The following UACA variants were observed in gnomAD, a reference collection of about 807,000 sequenced individuals.
UACA encodes uveal autoantigen with coiled-coil domains and ankyrin repeats.
UACA carries 112 observed loss-of-function variants against 160.5 expected under a neutral mutation model. The ratio of observed to expected loss-of-function variants is 0.70; its 90% confidence interval spans 0.60 to 0.82. The LOEUF (loss-of-function observed/expected upper bound fraction) is 0.82. UACA is among the 40% of genes least tolerant of loss of function. UACA has a pLI of 0.00. For missense variants in UACA, 1,574 were observed against 1,614.6 expected, an observed-to-expected ratio of 0.97 and a Z score of 0.43; for synonymous variants, 557 against 568.4, an observed-to-expected ratio of 0.98 and a Z score of 0.29.
chr15:70,708,063 T>C (rs1167916085), intron 1 of UACA, among the ~76,000 whole-genome samples: 1 of 152,310 alleles, frequency 6.6e-6, no homozygotes, highest in East Asian at 1.9e-4. Context: ...AAATGTGGCA[T>C]ATGCATACAA....
rs1462360350 is a variant in UACA, at chr15:70,667,425, C to T, written c.3259G>A (p.Glu1087Lys). 4 of 1,610,244 alleles carry T rather than the reference C, an allele frequency of 2.5e-6. No homozygotes were observed. Among genetic ancestry groups the T allele is most frequent in the Non-Finnish European group, 3.4e-6 (4 of 1,179,736 alleles). ...QKYTEVKNVK[E>K]KLVEENAKQT... is the part of the protein sequence containing the mutation. ...TTGGCATTTTCTTCTACTAGCTTCTCTTTCACATTCTTTACTTCCGTGTAT... is the reference window on the plus strand; with the variant it reads ...TTGGCATTTTCTTCTACTAGCTTCTTTTTCACATTCTTTACTTCCGTGTAT... Residue 1087 changes from glutamate (E) to lysine (K), a missense_variant, in exon 16 of 19, where the codon GAG (glutamate) becomes AAG (lysine). Glu to Lys is a moderately conservative substitution (Grantham distance 56). Transcript: ENST00000322954.
At position 70,656,942 on chromosome 15, in the gene UACA, A is replaced by G; in HGVS notation, c.*114T>C. 1 of 696,210 alleles carries G rather than the reference A, an allele frequency of 1.4e-6. No individual in the cohort carries two copies. Among genetic ancestry groups the G allele is most frequent in the Non-Finnish European group, 2.3e-6 (1 of 438,258 alleles). 43.1% of individuals were successfully genotyped at this position (696,210 alleles called of 1,614,324 possible). On this transcript the variant is annotated 3_prime_UTR_variant, in exon 19 of 19. Coordinates refer to ENST00000322954, the MANE Select transcript of UACA (RefSeq NM_018003.4). ...AAAAAAAACCTACCAATAGAACAAA[A>G]TATATTTTATTTTAATTATACCAGC...
chr15:70,658,799 C>A (rs1896573433), intron 18 of UACA, among the ~76,000 whole-genome samples: 1 of 152,040 alleles, frequency 6.6e-6, no homozygotes, highest in South Asian at 2.1e-4. Flanking sequence ...AAATCTGTTT[C>A]TATAACAGCA....
At chr15:70,769,708 T>C in the UACA span, among the ~76,000 whole-genome samples, 18 of 152,140 alleles carry the variant, frequency 1.2e-4, no homozygotes, top group East Asian at 3.1e-3. Flanking sequence ...GTAGATAAAA[T>C]GTGTATTTTA....
At chr15:70,745,446 GAAA>G (rs71152312) in intron 1 of UACA, among the ~76,000 whole-genome samples, 3 of 129,454 alleles carry the variant, frequency 2.3e-5, no homozygotes, top group Admixed American at 7.6e-5. Context: ...AAAAGAAAAA[GAAA>G]AAAAAAAAAA....
chr15:70,762,284 A>G (rs1216486434), intron 1 of UACA, among the ~76,000 whole-genome samples: 3 of 152,214 alleles, frequency 2.0e-5, no homozygotes, highest in Admixed American at 2.0e-4. Flanking sequence ...AAGCAGATTA[A>G]TTAGTATTCT....
chr15:70,769,159 C>T, the UACA span, among the ~76,000 whole-genome samples: 2 of 151,926 alleles, frequency 1.3e-5, no homozygotes, highest in Non-Finnish European at 2.9e-5. Context: ...GAGATCAAGA[C>T]CATCCTGGCT....
rs570657381 is a variant in UACA at position 70,672,654 on chromosome 15, A to G, written c.1132-653T>C. On this transcript the variant is annotated intron_variant, in intron 13 of 18. Coordinates refer to ENST00000322954, the MANE Select transcript of UACA (RefSeq NM_018003.4). Reference sequence around the variant, plus strand: ...AAGAATCTAATATATAAATTAAAATACTACACTTCAAGGGTAAGAATAGGC... The same window carrying G: ...AAGAATCTAATATATAAATTAAAATGCTACACTTCAAGGGTAAGAATAGGC... Among the ~76,000 whole-genome samples, 3 of 152,290 alleles carry G rather than the reference A, an allele frequency of 2.0e-5. No individual in the cohort carries two copies. In the East Asian group the frequency reaches 5.8e-4, roughly 29 times the overall value.
chr15:70,775,857 AAAC>A, the UACA span, among the ~76,000 whole-genome samples: 7 of 152,202 alleles, frequency 4.6e-5, no homozygotes, highest in African/African-American at 1.7e-4. Context: ...TTGTGTATGA[AAAC>A]AATTCACGCA....
At chr15:70,688,892 G>A (rs990577020) in intron 5 of UACA, among the ~76,000 whole-genome samples, 2 of 152,126 alleles carry the variant, frequency 1.3e-5, no homozygotes, top group East Asian at 1.9e-4. Context: ...GAGTTGAACT[G>A]TAGCAGAAAA....
At chr15:70,664,517 T>C (rs566502334) in intron 17 of UACA, 145 bp downstream of exon 17, 29 of 917,864 alleles carry the variant, frequency 3.2e-5, no homozygotes, top group South Asian at 1.2e-4. Flanking sequence ...ACCACCAGTA[T>C]AGGTAACTTT....
In UACA at chr15:70,743,994, T is replaced by C. The variant is rs184867837; in HGVS notation, c.78+19336A>G. ...GCACGGTGGCTCACGCCTGTAATTCTAGCACTTTGGGAGGCCGAGACGGGC... is the reference window on the plus strand; with the variant it reads ...GCACGGTGGCTCACGCCTGTAATTCCAGCACTTTGGGAGGCCGAGACGGGC... On this transcript the variant is annotated intron_variant, in intron 1 of 18. Coordinates refer to ENST00000322954, the MANE Select transcript of UACA (RefSeq NM_018003.4). Among the ~76,000 whole-genome samples the C allele has an allele frequency of 1.9e-3, 292 of 152,126 alleles. 2 individuals carry two copies. In the East Asian group the frequency reaches 0.033, roughly 17 times the overall value.
rs1475072948 is a variant in UACA, at chr15:70,714,960, A to G, written c.79-15300T>C. Among the ~76,000 whole-genome samples, 6 of 152,246 alleles carry G rather than the reference A, an allele frequency of 3.9e-5. No individual in the cohort carries two copies. In the East Asian group the frequency reaches 1.2e-3, roughly 29 times the overall value. On this transcript the variant is annotated intron_variant, in intron 1 of 18. Transcript: ENST00000322954. ...AGATGCATTAAATTACTAAGTAAATATATACATAGATCTTAAACAGAACAA... is the reference window on the plus strand; with the variant it reads ...AGATGCATTAAATTACTAAGTAAATGTATACATAGATCTTAAACAGAACAA...
chr15:70,715,609 A>G (rs1317282378), intron 1 of UACA, among the ~76,000 whole-genome samples: 1 of 152,164 alleles, frequency 6.6e-6, no homozygotes, highest in East Asian at 1.9e-4. Context: ...AAACATATTA[A>G]AAGTTAGCTG....
At chr15:70,721,047 AACC>A (rs1204091235) in intron 1 of UACA, among the ~76,000 whole-genome samples, 3 of 152,234 alleles carry the variant, frequency 2.0e-5, no homozygotes, top group African/African-American at 7.2e-5. Flanking sequence ...AATGCTGACA[AACC>A]ACCAAGATTT....
intron 18 of UACA, 121 bp downstream of exon 18, chr15:70,660,030 T>C: frequency 1.4e-6 from 1 of 718,480 alleles, no homozygotes; most frequent in Non-Finnish European, 2.2e-6. Flanking sequence ...TAATTATTTT[T>C]AAATAAGCAT....
intron 1 of UACA, among the ~76,000 whole-genome samples, chr15:70,761,106 C>G (rs11636781): frequency 0.87 from 131,973 of 152,096 alleles, 58,145 homozygotes; most frequent in Non-Finnish European, 0.95. Flanking sequence ...GAATGGGGAG[C>G]CTCTATTTAC....
At position 70,668,056 on chromosome 15, in the gene UACA, T is replaced by A; in HGVS notation, c.2628A>T (p.Leu876Phe). The A allele has an allele frequency of 6.2e-7, 1 of 1,613,002 alleles. No individual in the cohort carries two copies. Among genetic ancestry groups the A allele is most frequent in the Non-Finnish European group, 8.5e-7 (1 of 1,179,856 alleles). The change falls in exon 16 of 19, where the codon TTA (leucine) becomes TTT (phenylalanine). Residue 876 changes from leucine to phenylalanine, a missense_variant. Leu to Phe is a conservative substitution (Grantham distance 22, BLOSUM62 0). Coordinates refer to ENST00000322954, the MANE Select transcript of UACA (RefSeq NM_018003.4). ...EEVKMTLNDT[L>F]AKTNRELLDV... ...CTAATAATTCTCTGTTAGTTTTGGCTAACGTGTCATTCAGTGTCATTTTAA... is the reference window on the plus strand; with the variant it reads ...CTAATAATTCTCTGTTAGTTTTGGCAAACGTGTCATTCAGTGTCATTTTAA...
intron 3 of UACA, among the ~76,000 whole-genome samples, chr15:70,692,786 A>AACAAAC (rs1431617267): frequency 6.6e-6 from 1 of 152,104 alleles, no homozygotes; most frequent in Non-Finnish European, 1.5e-5. Flanking sequence ...CAAAAACAAA[A>AACAAAC]ACACCATAAT....
Sources: gnomAD v4.1 joint callset for allele counts (sites outside exome capture counted in the v4.1 genomes callset) on GRCh38, gnomAD v4.1.1 for gene constraint, MANE v1.5 for transcripts, NCBI Gene and HGNC (gene_info 2026-07-23, HGNC 2026-07-21) for gene names.